Variants in C12orf76 observed in about 807,000 individuals in gnomAD.
C12orf76 encodes the protein chromosome 12 open reading frame 76.
A neutral mutation model predicts 6.8 loss-of-function variants in C12orf76; 6 were observed. That is an observed-to-expected ratio of 0.88 (90% confidence interval 0.48 to 1.73). C12orf76 has a LOEUF of 1.73. Ranked by LOEUF, C12orf76 falls within the 40% of genes most tolerant of loss-of-function variation. The probability of loss-of-function intolerance (pLI) is 0.01; values close to 1 mark genes in which losing one functional copy is unlikely to be tolerated. For synonymous variants in C12orf76, 56 were observed against 43.7 expected (o/e 1.28, Z -1.11); for missense variants, 99 against 98.2 (o/e 1.01, Z -0.03).
chr12:110,068,271 G>GAA (rs779525352), upstream of C12orf76, among the ~76,000 whole-genome samples: 5 of 126,138 alleles, frequency 4.0e-5, 1 homozygote, highest in South Asian at 7.9e-4. Flanking sequence ...AGAAGAAGAA[G>GAA]AAGAAGAAGA....
At chr12:110,070,051 C>T (rs1228568605), upstream of C12orf76, among the ~76,000 whole-genome samples, 1 of 151,410 alleles carries the variant, frequency 6.6e-6, no homozygotes, top group Non-Finnish European at 1.5e-5. Flanking sequence ...GAGTTCAAGA[C>T]CAGCCTGGAC....
At chr12:110,071,754 A>G (rs926697346), upstream of C12orf76, among the ~76,000 whole-genome samples, 3 of 152,128 alleles carry the variant, frequency 2.0e-5, no homozygotes, top group Admixed American at 1.3e-4. Flanking sequence ...CAGAACCACA[A>G]TGAACTACCA....
At chr12:110,054,082 AT>A (rs1243103463), upstream of C12orf76, among the ~76,000 whole-genome samples, 1 of 152,206 alleles carries the variant, frequency 6.6e-6, no homozygotes, top group Non-Finnish European at 1.5e-5. The surrounding 1 kb of genome is among the most constrained non-coding windows in gnomAD (Gnocchi z 4.4). Context: ...CTCAAAAAAA[AT>A]AATAAAATAA....
intron 1 of C12orf76, chr12:110,073,307 C>T (rs1892983201): frequency 6.7e-6 from 3 of 449,036 alleles, no homozygotes; most frequent in South Asian, 1.6e-5. Flanking sequence ...TGTGAAAGCA[C>T]GTCCAAATTT....
intron 1 of C12orf76, among the ~76,000 whole-genome samples, chr12:110,066,907 G>A (rs1892877241): frequency 6.6e-6 from 1 of 152,180 alleles, no homozygotes; most frequent in African/African-American, 2.4e-5. Context: ...CCATCTCCAT[G>A]GCGACGGCCA....
intron 3 of C12orf76, among the ~76,000 whole-genome samples, chr12:110,058,334 G>C (rs1226961396): frequency 6.6e-6 from 1 of 152,138 alleles, no homozygotes; most frequent in African/African-American, 2.4e-5. Context: ...ATCATTTTCA[G>C]TGGCTAAAGA....
At chr12:110,060,284 T>C (rs1329239538) in intron 2 of C12orf76, among the ~76,000 whole-genome samples, 1 of 152,164 alleles carries the variant, frequency 6.6e-6, no homozygotes, top group African/African-American at 2.4e-5. Flanking sequence ...CCTCTCTTCT[T>C]CATAGCCAAG....
At chr12:110,050,729 C>T, upstream of C12orf76, 1 of 477,682 alleles carries the variant, frequency 2.1e-6, no homozygotes, top group South Asian at 3.1e-5. Context: ...AAATGCCTAA[C>T]CAGCAGCCCT....
Position 110,048,454 on chromosome 12 carries a change from G to A in C12orf76, c.42C>T (p.Cys14=). The A allele has an allele frequency of 6.6e-7, 1 of 1,503,986 alleles. No homozygotes were observed. The highest frequency in any genetic ancestry group is 8.8e-7 in the Non-Finnish European group (1 of 1,131,320). 93.2% of individuals were successfully genotyped at this position (1,503,986 alleles called of 1,614,324 possible). A position where few individuals can be genotyped will look rare whatever the true frequency, so the allele number is the denominator to read the frequency against. ...CCTCTGCCTCCCCCACCAGGAGGCTGCAGAGGCCAAGGTACAGCCACGGTA... is the reference window on the plus strand; with the variant it reads ...CCTCTGCCTCCCCCACCAGGAGGCTACAGAGGCCAAGGTACAGCCACGGTA... ...PALPWLYLGL[C]SLLVGEAEAP... is the part of the protein sequence containing the mutation. Residue 14 remains cysteine (C), a synonymous_variant, in exon 1 of 2, where the codon TGC becomes TGT. Coordinates refer to ENST00000615315, the MANE Select transcript of C12orf76 (RefSeq NM_001389625.1).
At chr12:110,068,330 AGGC>A (rs143134826), upstream of C12orf76, among the ~76,000 whole-genome samples, 1,865 of 116,672 alleles carry the variant, frequency 0.016, 83 homozygotes, top group Middle Eastern at 0.033. Context: ...AAGAAGAAGA[AGGC>A]GGCCAAATAG....
At chr12:110,065,953 G>T (rs1892851951) in exon 2 of C12orf76, 1 of 1,613,476 alleles carries the variant, frequency 6.2e-7, no homozygotes, top group African/African-American at 1.3e-5. Context: ...CACGTGGCTG[G>T]ATTCTTCTCC....
At chr12:110,053,571 A>T (rs1892620004), upstream of C12orf76, among the ~76,000 whole-genome samples, 1 of 152,200 alleles carries the variant, frequency 6.6e-6, no homozygotes, top group African/African-American at 2.4e-5. Flanking sequence ...GAGGCTCCTG[A>T]AAAGATAGCT....
chr12:110,048,110 A>C (rs1892496571), intron 1 of C12orf76, among the ~76,000 whole-genome samples: 2 of 152,172 alleles, frequency 1.3e-5, no homozygotes, highest in Non-Finnish European at 2.9e-5. Flanking sequence ...CTGAGGCAGG[A>C]GAATTGCTTG....
Position 110,062,878 on chromosome 12 carries a change from A to G in C12orf76, n.380+2982T>C, listed in dbSNP as rs189129734. ...AACTGGTCTCAAACTCCTGGGCTCA[A>G]GCAATCCTCCCATCTCAGCCTCCCA... On this transcript the variant is annotated intron_variant and non_coding_transcript_variant, in intron 2 of 4. Coordinates refer to the C12orf76 transcript ENST00000309050. Among the ~76,000 whole-genome samples the G allele has an allele frequency of 6.9e-3, 1,016 of 148,298 alleles. 25 individuals are homozygous for G. The highest frequency in any genetic ancestry group is 3.8e-3 in the Non-Finnish European group (259 of 67,578).
chr12:110,072,593 A>G (rs1892972223), upstream of C12orf76, among the ~76,000 whole-genome samples: 1 of 151,972 alleles, frequency 6.6e-6, no homozygotes, highest in East Asian at 1.9e-4. Flanking sequence ...TGTACCCTTA[A>G]ATGGTGAATT....
rs374648805 is a variant in C12orf76 at position 110,059,063 on chromosome 12, C to T, written n.481G>A. 3.7e-5 allele frequency: 57 copies of T among 1,551,576 alleles called. 1 individual carries two copies. Among genetic ancestry groups the T allele is most frequent in the South Asian group, 7.1e-5 (6 of 84,068 alleles). ...TCCAAGGTCACATGGTAAACAGCAG[C>T]GCCAGCTCTGAACGCAGCCATCTGG... On this transcript the variant is annotated non_coding_transcript_exon_variant, in exon 3 of 5. Coordinates refer to the C12orf76 transcript ENST00000309050.
At chr12:110,062,991 A>G (rs1892798913) in intron 2 of C12orf76, among the ~76,000 whole-genome samples, 1 of 150,814 alleles carries the variant, frequency 6.6e-6, no homozygotes, top group African/African-American at 2.4e-5. Flanking sequence ...CCCAGGCTGG[A>G]GTGCAGTGGT....
intron 2 of C12orf76, among the ~76,000 whole-genome samples, chr12:110,059,804 G>A (rs1190229051): frequency 6.6e-6 from 1 of 152,158 alleles, no homozygotes; most frequent in Non-Finnish European, 1.5e-5. Context: ...TGAAGAAGAG[G>A]AGAGACATAG....
upstream of C12orf76, among the ~76,000 whole-genome samples, chr12:110,052,612 A>G (rs911790230): frequency 1.3e-5 from 2 of 152,364 alleles, no homozygotes; most frequent in Admixed American, 1.3e-4. Context: ...TGCATGTGCC[A>G]TCGCGTCCAG....
Sources: allele counts gnomAD v4.1 joint callset (sites outside exome capture counted in the v4.1 genomes callset), GRCh38; gene constraint gnomAD v4.1.1; non-coding constraint Gnocchi (gnomAD v3.1); transcripts MANE v1.5; gene names NCBI Gene and HGNC (gene_info 2026-07-23, HGNC 2026-07-21).